Variants in EP300 observed in about 807,000 individuals in gnomAD.
EP300 encodes histone acetyltransferase p300.
EP300 carries 31 observed loss-of-function variants against 264.0 expected under a neutral mutation model. That is an observed-to-expected ratio of 0.12 (90% CI 0.09 to 0.16). EP300 has a LOEUF of 0.16. Ranked by LOEUF, EP300 falls within the 10% of genes least tolerant of loss-of-function variation. The pLI is 1.00. For missense variants in EP300, 2,766 were observed against 3,052.9 expected (o/e 0.91, Z 2.21); for synonymous variants, 1,340 against 1,045.4 (o/e 1.28, Z -5.44).
chr22:41,167,023 TCTCA>T (rs1374101749), intron 23 of EP300, among the ~76,000 whole-genome samples: 1 of 152,166 alleles, frequency 6.6e-6, no homozygotes, highest in Non-Finnish European at 1.5e-5. Flanking sequence ...TTTTTGAGAG[TCTCA>T]CTCTGTCCCC....
intron 1 of EP300, among the ~76,000 whole-genome samples, 180 bp downstream of exon 1, chr22:41,093,278 C>T (rs1409816044): frequency 6.6e-6 from 1 of 152,164 alleles, no homozygotes; most frequent in Non-Finnish European, 1.5e-5. Context: ...TCTTTGCCTC[C>T]TAATACATTG....
intron 1 of EP300, among the ~76,000 whole-genome samples, chr22:41,101,788 G>A (rs2058733244): frequency 2.6e-5 from 4 of 151,904 alleles, no homozygotes; most frequent in South Asian, 2.1e-4. Context: ...CTCCTGCTTC[G>A]GCCTCCTGAG....
In EP300 at chr22:41,141,095, A is replaced by G. The variant is rs753184724; in HGVS notation, c.1926A>G (p.Lys642=). ...LLAEKIYKIQ[K]ELEEKRRTRL... is the part of the protein sequence containing the mutation. Reference sequence around the variant, plus strand: ...CTGAGAAAATCTATAAGATCCAGAAAGAACTAGAAGAAAAACGAAGGACCA... The same window carrying G: ...CTGAGAAAATCTATAAGATCCAGAAGGAACTAGAAGAAAAACGAAGGACCA... Residue 642 remains lysine (K), a synonymous_variant, in exon 10 of 31, where the codon AAA becomes AAG. Coordinates refer to ENST00000263253, the MANE Select transcript of EP300 (RefSeq NM_001429.4). 4 of 1,614,074 alleles carry G rather than the reference A, an allele frequency of 2.5e-6. No individual in the cohort carries two copies. The highest frequency in any genetic ancestry group is 3.4e-6 in the Non-Finnish European group (4 of 1,180,026).
intron 4 of EP300, among the ~76,000 whole-genome samples, chr22:41,128,027 A>G (rs2058892995): frequency 6.6e-6 from 1 of 152,088 alleles, no homozygotes; most frequent in Admixed American, 6.6e-5. Flanking sequence ...GCCGGGCATG[A>G]TGATGCACCT....
intron 1 of EP300, among the ~76,000 whole-genome samples, chr22:41,094,327 A>G (rs763853128): frequency 2.0e-5 from 3 of 152,204 alleles, no homozygotes. Context: ...TTGAGTTTGT[A>G]GAGAACTTCG....
At position 41,117,278 on chromosome 22, in the gene EP300, T is replaced by C. The variant is rs1203177809; in HGVS notation, c.186T>C (p.Asn62=). The part of the protein sequence containing the change: ...ELGLTNGGDI[N]QLQTSLGMVQ... ...GACTAACCAATGGTGGTGATATTAA[T>C]CAGCTTCAGACAAGTCTTGGCATGG... Residue 62 remains asparagine, a synonymous_variant, in exon 2 of 31, where the codon AAT becomes AAC. Transcript: ENST00000263253. The C allele has an allele frequency of 1.9e-6, 3 of 1,614,202 alleles. No homozygotes were observed. The highest frequency in any genetic ancestry group is 2.5e-6 in the Non-Finnish European group (3 of 1,180,028).
rs917571102 is a variant in EP300 at position 41,140,130 on chromosome 22, C to T, written c.1761-10C>T. The T allele has an allele frequency of 1.3e-6, 2 of 1,594,508 alleles. No homozygotes were observed. Among genetic ancestry groups the T allele is most frequent in the Non-Finnish European group, 1.7e-6 (2 of 1,162,288 alleles). On this transcript the variant is annotated splice_polypyrimidine_tract_variant and intron_variant, in intron 8 of 30. Transcript: ENST00000263253. ...CATGATATTACAGTGGTAGGATTTT[C>T]TTTTTCCAGCGTCCAAGCCATATTT...
chr22:41,146,471 A>G, intron 10 of EP300: 1 of 449,734 alleles, frequency 2.2e-6, no homozygotes, highest in Non-Finnish European at 4.1e-6. Flanking sequence ...CTGGCCTATA[A>G]TGGCTTCAAT....
At chr22:41,127,384 T>C in intron 3 of EP300, 103 bp from the exon 4 acceptor site, 1 of 1,501,700 alleles carries the variant, frequency 6.7e-7, no homozygotes, top group Admixed American at 1.7e-5. Flanking sequence ...TGGCTTATAG[T>C]AGACTAACCA....
chr22:41,166,787 A>G (rs2059136940), intron 23 of EP300, 121 bp downstream of exon 23: 2 of 643,586 alleles, frequency 3.1e-6, no homozygotes, highest in Admixed American at 3.0e-5. Flanking sequence ...AAATAATTCT[A>G]TAATCTCCTT....
chr22:41,106,518 C>T (rs1324920784), intron 1 of EP300, among the ~76,000 whole-genome samples: 3 of 152,154 alleles, frequency 2.0e-5, no homozygotes, highest in South Asian at 2.1e-4. Flanking sequence ...CTCTCCCCAC[C>T]TTAGGTTGTT....
At chr22:41,161,546 G>A (rs564617676) in intron 20 of EP300, among the ~76,000 whole-genome samples, 1 of 152,202 alleles carries the variant, frequency 6.6e-6, no homozygotes, top group Non-Finnish European at 1.5e-5. Context: ...GAACCCGGGA[G>A]GTGGAGCTTG....
chr22:41,122,279 C>A (rs2058857164), intron 2 of EP300, among the ~76,000 whole-genome samples: 1 of 150,394 alleles, frequency 6.6e-6, no homozygotes. Flanking sequence ...GATTCTCCTG[C>A]CTCAGTCTCC....
chr22:41,100,892 CAT>C (rs1372638521), intron 1 of EP300, among the ~76,000 whole-genome samples: 1 of 151,724 alleles, frequency 6.6e-6, no homozygotes, highest in Admixed American at 6.6e-5. Flanking sequence ...ATATATATAT[CAT>C]ATATATTATC....
At chr22:41,172,194 C>T (rs148099637) in intron 27 of EP300, among the ~76,000 whole-genome samples, 6 of 152,248 alleles carry the variant, frequency 3.9e-5, no homozygotes, top group Non-Finnish European at 7.4e-5. Context: ...CCATGGCATG[C>T]ATGATGGTGC....
rs1272190410 is a variant in EP300 at position 41,113,606 on chromosome 22, G to A, written c.95-3581G>A. ...CTGTCGCCCAGGCTGGAGTGAAGTG[G>A]CGTGATCTCGGCTCACTGCAAACTC... On this transcript the variant is annotated intron_variant, in intron 1 of 30. Coordinates refer to ENST00000263253, the MANE Select transcript of EP300 (RefSeq NM_001429.4). Among the ~76,000 whole-genome samples, 2 of 152,300 alleles carry A rather than the reference G, an allele frequency of 1.3e-5. 1 individual carries two copies. The highest frequency in any genetic ancestry group is 4.1e-4 in the South Asian group (2 of 4,828).
At chr22:41,138,019 A>G (rs556967408) in intron 8 of EP300, among the ~76,000 whole-genome samples, 118 of 152,292 alleles carry the variant, frequency 7.7e-4, no homozygotes, top group African/African-American at 2.8e-3. Context: ...TATGTGAACT[A>G]TTCTGTCTAG....
At chr22:41,144,897 T>A (rs1218206094) in intron 10 of EP300, among the ~76,000 whole-genome samples, 1 of 151,884 alleles carries the variant, frequency 6.6e-6, no homozygotes, top group Non-Finnish European at 1.5e-5. Flanking sequence ...TCTGGCTGCT[T>A]TAAAAAAAAA....
Position 41,160,622 on chromosome 22 carries a change from T to C in EP300, c.3591-20T>C. On this transcript the variant is annotated intron_variant, in intron 19 of 30. Transcript: ENST00000263253. ...GTGTGAACGGAACAGTTCACCCCAG[T>C]ATGGCCTTCTTGCCGACAGGTATCA... The C allele has an allele frequency of 6.2e-7, 1 of 1,613,130 alleles. No individual in the cohort carries two copies. The highest frequency in any genetic ancestry group is 8.5e-7 in the Non-Finnish European group (1 of 1,179,232).
Sources: gnomAD v4.1 joint callset for allele counts (sites outside exome capture counted in the v4.1 genomes callset) on GRCh38, gnomAD v4.1.1 for gene constraint, MANE v1.5 for transcripts, NCBI Gene and HGNC (gene_info 2026-07-23, HGNC 2026-07-21) for gene names.